The following NPAS2 variants were observed in gnomAD, a reference collection of about 807,000 sequenced individuals.
NPAS2 encodes the protein neuronal PAS domain protein 2, also known as neuronal PAS domain-containing protein 2.
Under a neutral mutation model 107.5 loss-of-function variants are expected in NPAS2, and 23 were observed. The ratio of observed to expected loss-of-function variants is 0.21; its 90% CI spans 0.15 to 0.30. The LOEUF is 0.30. NPAS2 is among the 10% of genes least tolerant of loss of function. NPAS2 has a pLI of 1.00. For missense variants in NPAS2, 756 were observed against 1,043.3 expected (o/e 0.72, Z 3.79); for synonymous variants, 403 against 417.5 (o/e 0.97, Z 0.42).
intron 1 of NPAS2, among the ~76,000 whole-genome samples, chr2:100,868,262 A>G (rs1030159144): frequency 1.3e-5 from 2 of 152,222 alleles, no homozygotes; most frequent in Non-Finnish European, 2.9e-5. Context: ...TTTGCAGGGT[A>G]TACAAATCTA....
In NPAS2 at chr2:100,887,533, C is replaced by T. The variant is rs184037830; in HGVS notation, c.-22-17200C>T. 7.9e-5 allele frequency among the ~76,000 whole-genome samples: 12 copies of T among 152,344 alleles called. No homozygotes were observed. The East Asian group carries it at 2.3e-3, about 29-fold the overall frequency. ...CCACGGTTTCTCAGCAGTGTTCGTG[C>T]AAATTATCACTATAATGCACCCGTG... On this transcript the variant is annotated intron_variant, in intron 1 of 20. Coordinates refer to ENST00000335681, the MANE Select transcript of NPAS2 (RefSeq NM_002518.4).
At chr2:100,991,956 G>C (rs1017225206) in intron 19 of NPAS2, among the ~76,000 whole-genome samples, 6 of 152,184 alleles carry the variant, frequency 3.9e-5, no homozygotes, top group African/African-American at 1.4e-4. Flanking sequence ...GGCAGCCTCT[G>C]CCCCTGAGAC....
At chr2:100,828,939 A>G (rs780653583) in intron 1 of NPAS2, among the ~76,000 whole-genome samples, 1 of 152,146 alleles carries the variant, frequency 6.6e-6, no homozygotes, top group Non-Finnish European at 1.5e-5. Flanking sequence ...GAAAAATGAC[A>G]TTGGTTGTTT....
At chr2:100,856,217 G>A (rs935250930) in intron 1 of NPAS2, among the ~76,000 whole-genome samples, 4 of 152,242 alleles carry the variant, frequency 2.6e-5, no homozygotes, top group Admixed American at 1.3e-4. Flanking sequence ...GTAAAAGTCA[G>A]ACAAGACCAT....
chr2:100,886,232 G>A (rs924201449), intron 1 of NPAS2, among the ~76,000 whole-genome samples: 1 of 152,122 alleles, frequency 6.6e-6, no homozygotes, highest in Non-Finnish European at 1.5e-5. Context: ...CAAGCCACTC[G>A]CACATTTAAA....
At chr2:100,955,533 A>G (rs566240065) in intron 7 of NPAS2, among the ~76,000 whole-genome samples, 3 of 152,256 alleles carry the variant, frequency 2.0e-5, no homozygotes, top group African/African-American at 7.2e-5. Flanking sequence ...CAGCTCCACA[A>G]TACACTCTGG....
rs374916465 is a variant in NPAS2, at chr2:100,863,432, G to T, written c.-22-41301G>T. ...TGTGTTAGAGAAAGAGATCCTGGCA[G>T]ATAGAAAGATGTGCATATCAGTGGC... On this transcript the variant is annotated intron_variant, in intron 1 of 20. Transcript: ENST00000335681. Among the ~76,000 whole-genome samples, 3 of 152,358 alleles carry T rather than the reference G, an allele frequency of 2.0e-5. No homozygotes were observed. In the South Asian group the frequency reaches 6.2e-4, roughly 32 times the overall value.
chr2:100,901,086 G>A (rs934782658), intron 1 of NPAS2, among the ~76,000 whole-genome samples: 25 of 152,108 alleles, frequency 1.6e-4, no homozygotes, highest in Admixed American at 1.6e-3. Flanking sequence ...TCTGTAAGAG[G>A]AAGCTGTCTC....
At chr2:100,921,569 A>G (rs1258988320) in intron 2 of NPAS2, among the ~76,000 whole-genome samples, 2 of 152,160 alleles carry the variant, frequency 1.3e-5, no homozygotes, top group South Asian at 4.1e-4. Flanking sequence ...CTTAAACTCA[A>G]TAAGATGATG....
chr2:100,995,818 C>T lies in NPAS2; in HGVS notation c.*236C>T, dbSNP rs868327370. On this transcript the variant is annotated 3_prime_UTR_variant, in exon 21 of 21. Coordinates refer to ENST00000335681, the MANE Select transcript of NPAS2 (RefSeq NM_002518.4). Reference sequence around the variant, plus strand: ...GAGGTTCTTGGGCACACTCTATAGCCATACTGGACAGGAACCAGGTGCCCC... The same window carrying T: ...GAGGTTCTTGGGCACACTCTATAGCTATACTGGACAGGAACCAGGTGCCCC... The T allele has an allele frequency of 6.5e-7, 1 of 1,541,974 alleles. No homozygotes were observed. Among genetic ancestry groups the T allele is most frequent in the Non-Finnish European group, 8.8e-7 (1 of 1,141,916 alleles).
intron 1 of NPAS2, among the ~76,000 whole-genome samples, chr2:100,826,505 G>A (rs1055897720): frequency 3.3e-5 from 5 of 152,142 alleles, no homozygotes; most frequent in African/African-American, 1.2e-4. Context: ...ATATTATTTA[G>A]CAACTTAATA....
chr2:100,950,875 A>T (rs1471809993), intron 7 of NPAS2, among the ~76,000 whole-genome samples: 1 of 152,222 alleles, frequency 6.6e-6, no homozygotes, highest in Admixed American at 6.5e-5. Context: ...AGGCTTGTCT[A>T]AACTTCATGA....
At chr2:100,995,327 G>T (rs559670078) in intron 20 of NPAS2, 73 bp from the exon 21 acceptor site, 2 of 1,336,244 alleles carry the variant, frequency 1.5e-6, no homozygotes, top group Non-Finnish European at 1.0e-6. Flanking sequence ...AGCATGCCCC[G>T]CACTGCCTTG....
At chr2:100,909,569 C>G (rs778773188) in intron 2 of NPAS2, among the ~76,000 whole-genome samples, 5 of 152,206 alleles carry the variant, frequency 3.3e-5, no homozygotes, top group African/African-American at 7.2e-5. Context: ...GTGAGAACCC[C>G]GGGCCCTCAG....
intron 4 of NPAS2, among the ~76,000 whole-genome samples, chr2:100,937,466 A>T (rs1684397160): frequency 6.6e-6 from 1 of 152,186 alleles, no homozygotes; most frequent in South Asian, 2.1e-4. Flanking sequence ...CTTATCATTA[A>T]ACCTACTTAG....
At chr2:100,933,938 C>G (rs1219978643) in intron 4 of NPAS2, among the ~76,000 whole-genome samples, 1 of 152,180 alleles carries the variant, frequency 6.6e-6, no homozygotes, top group Admixed American at 6.5e-5. Flanking sequence ...TATCTCATAT[C>G]TTATGTGCCT....
intron 4 of NPAS2, among the ~76,000 whole-genome samples, chr2:100,933,565 C>T (rs1033458608): frequency 2.6e-5 from 4 of 152,174 alleles, no homozygotes; most frequent in African/African-American, 7.2e-5. Context: ...ATGTTCCTCC[C>T]TCTGGGTCAG....
intron 7 of NPAS2, among the ~76,000 whole-genome samples, chr2:100,963,416 T>TTTGTTTTGTTTTGTTTTG (rs367674055): frequency 0.016 from 2,370 of 152,190 alleles, 70 homozygotes; most frequent in African/African-American, 0.054. Flanking sequence ...TTTGTTTTGT[T>TTTGTTTTGTTTTGTTTTG]TTGTTTGGAG....
chr2:100,937,905 A>T (rs1684436821), intron 5 of NPAS2, 63 bp downstream of exon 5: 2 of 1,241,734 alleles, frequency 1.6e-6, no homozygotes, highest in East Asian at 4.6e-5. Context: ...GAGAATCATT[A>T]GATCTCAGAT....
Sources: allele counts gnomAD v4.1 joint callset (sites outside exome capture counted in the v4.1 genomes callset), GRCh38; gene constraint gnomAD v4.1.1; transcripts MANE v1.5; gene names NCBI Gene and HGNC (gene_info 2026-07-23, HGNC 2026-07-21).